NEGR1: variants seen among roughly 807,000 people sequenced by gnomAD.
NEGR1 encodes IgLON family member 4.
NEGR1 carries 10 observed loss-of-function variants against 40.9 expected under a neutral mutation model. The ratio of observed to expected loss-of-function variants is 0.24; its 90% CI spans 0.15 to 0.42. The LOEUF (loss-of-function observed/expected upper bound fraction) is 0.42. Among genes scored for constraint, NEGR1 ranks in the 10% least tolerant of loss-of-function variants. NEGR1 has a pLI of 1.00. For synonymous variants in NEGR1, 185 were observed against 166.8 expected, an observed-to-expected ratio of 1.11 and a Z score of -0.84; for missense variants, 352 against 438.9, an observed-to-expected ratio of 0.80 and a Z score of 1.77.
intron 4 of NEGR1, among the ~76,000 whole-genome samples, chr1:71,637,599 A>G (rs773420859): frequency 1.3e-5 from 2 of 152,056 alleles, no homozygotes; most frequent in Non-Finnish European, 2.9e-5. Context: ...TGTACATGAT[A>G]TGTAATTATA....
At chr1:72,032,466 G>T (rs575583915) in intron 1 of NEGR1, among the ~76,000 whole-genome samples, 1 of 152,048 alleles carries the variant, frequency 6.6e-6, no homozygotes, top group African/African-American at 2.4e-5. Flanking sequence ...AGGACTTCAC[G>T]CAAATTCTTC....
intron 1 of NEGR1, among the ~76,000 whole-genome samples, chr1:72,262,573 C>A (rs1327068810): frequency 6.6e-6 from 1 of 151,946 alleles, no homozygotes; most frequent in Non-Finnish European, 1.5e-5. Context: ...AGACTACTCT[C>A]ATATACTAAA....
intron 3 of NEGR1, among the ~76,000 whole-genome samples, chr1:71,755,900 A>T (rs185640896): frequency 1.3e-5 from 2 of 152,352 alleles, no homozygotes; most frequent in Admixed American, 1.3e-4. Context: ...AAGAAAACAG[A>T]TGTAAAATAA....
At chr1:71,505,197 T>C (rs988431729) in intron 6 of NEGR1, among the ~76,000 whole-genome samples, 1 of 152,214 alleles carries the variant, frequency 6.6e-6, no homozygotes, top group Admixed American at 6.5e-5. Context: ...CCTAATGTGT[T>C]ATAAATTGGT....
chr1:71,986,536 C>A (rs1029985594), intron 1 of NEGR1, among the ~76,000 whole-genome samples: 1 of 152,184 alleles, frequency 6.6e-6, no homozygotes, highest in Non-Finnish European at 1.5e-5. Context: ...TCCTCTCTCC[C>A]TTTTTCTGCC....
At chr1:72,030,973 C>A (rs1057304637) in intron 1 of NEGR1, among the ~76,000 whole-genome samples, 1 of 152,146 alleles carries the variant, frequency 6.6e-6, no homozygotes, top group African/African-American at 2.4e-5. Flanking sequence ...AAAATTAAGT[C>A]GTAAGAGTTT....
At chr1:71,903,802 T>C (rs1256027864) in intron 2 of NEGR1, among the ~76,000 whole-genome samples, 2 of 151,716 alleles carry the variant, frequency 1.3e-5, no homozygotes, top group African/African-American at 4.8e-5. Context: ...CTTCCTTATA[T>C]ATCAACCCCA....
At chr1:72,244,042 A>T (rs1218174343) in intron 1 of NEGR1, among the ~76,000 whole-genome samples, 1 of 151,852 alleles carries the variant, frequency 6.6e-6, no homozygotes, top group Non-Finnish European at 1.5e-5. Context: ...CACCGTATTT[A>T]GTTCCTGATC....
chr1:71,970,419 A>C (rs1646245976), intron 1 of NEGR1, among the ~76,000 whole-genome samples: 1 of 152,144 alleles, frequency 6.6e-6, no homozygotes, highest in Non-Finnish European at 1.5e-5. Context: ...GGGCGGGACT[A>C]GGGGCTCACA....
At chr1:72,230,484 A>T (rs1421792578) in intron 1 of NEGR1, among the ~76,000 whole-genome samples, 1 of 152,108 alleles carries the variant, frequency 6.6e-6, no homozygotes, top group African/African-American at 2.4e-5. Context: ...TGTAAATCAA[A>T]TTATGCTGTT....
chr1:71,491,601 A>G (rs1429874001), intron 6 of NEGR1, among the ~76,000 whole-genome samples: 1 of 150,710 alleles, frequency 6.6e-6, no homozygotes, highest in Non-Finnish European at 1.5e-5. Flanking sequence ...AAATGAAAAT[A>G]TGACCTCACA....
intron 4 of NEGR1, among the ~76,000 whole-genome samples, chr1:71,681,306 G>A (rs143752381): frequency 6.6e-6 from 1 of 152,288 alleles, no homozygotes; most frequent in African/African-American, 2.4e-5. Context: ...GTCAAATGGT[G>A]AAAGTCATTT....
chr1:72,081,661 T>C (rs1438082262), intron 1 of NEGR1, among the ~76,000 whole-genome samples: 2 of 152,068 alleles, frequency 1.3e-5, no homozygotes, highest in Admixed American at 6.6e-5. Context: ...ATTAATTGAA[T>C]GAATGAATAA....
intron 2 of NEGR1, among the ~76,000 whole-genome samples, chr1:71,786,569 C>T (rs76412877): frequency 2.0e-4 from 30 of 152,124 alleles, no homozygotes; most frequent in African/African-American, 5.6e-4. Context: ...GAGTAATATA[C>T]TGAGAGACTA....
chr1:72,248,714 C>G (rs1340513721), intron 1 of NEGR1, among the ~76,000 whole-genome samples: 1 of 151,000 alleles, frequency 6.6e-6, no homozygotes, highest in African/African-American at 2.4e-5. Flanking sequence ...TCCCTAGTAG[C>G]TGGGACTACA....
chr1:72,217,687 T>C (rs1462808862), intron 1 of NEGR1, among the ~76,000 whole-genome samples: 9 of 151,964 alleles, frequency 5.9e-5, no homozygotes, highest in African/African-American at 2.2e-4. Context: ...AGTATCAATT[T>C]GGTTACATTT....
intron 1 of NEGR1, among the ~76,000 whole-genome samples, chr1:72,062,381 A>T (rs1228755671): frequency 6.6e-6 from 1 of 151,898 alleles, no homozygotes; most frequent in Non-Finnish European, 1.5e-5. Flanking sequence ...AAGGGTGCCT[A>T]CCACACACAA....
chr1:72,280,176 G>A (rs1220127931), intron 1 of NEGR1, among the ~76,000 whole-genome samples: 1 of 152,040 alleles, frequency 6.6e-6, no homozygotes, highest in Non-Finnish European at 1.5e-5. Context: ...CAACAACACT[G>A]GAAATATATG....
At chr1:71,845,756 T>C (rs1474616961) in intron 2 of NEGR1, among the ~76,000 whole-genome samples, 2 of 151,952 alleles carry the variant, frequency 1.3e-5, no homozygotes, top group Non-Finnish European at 2.9e-5. Flanking sequence ...CCTACCTACC[T>C]ACATATCTAT....
Sources: gnomAD v4.1 joint callset for allele counts (sites outside exome capture counted in the v4.1 genomes callset) on GRCh38, gnomAD v4.1.1 for gene constraint, MANE v1.5 for transcripts, NCBI Gene and HGNC (gene_info 2026-07-23, HGNC 2026-07-21) for gene names.